Variants in GUCA2A observed in about 807,000 individuals in gnomAD.
GUCA2A encodes the protein guanylate cyclase activator 2A, also known as guanylin.
A neutral mutation model predicts 11.2 loss-of-function variants in GUCA2A; 17 were observed. The ratio of observed to expected loss-of-function variants is 1.52; its 90% confidence interval spans 1.04 to 2.28. The LOEUF is 2.28. GUCA2A is among the 30% of genes most tolerant of loss of function. The pLI is 0.00. For synonymous variants in GUCA2A, 64 were observed against 57.1 expected, an observed-to-expected ratio of 1.12 and a Z score of -0.54; for missense variants, 173 against 139.3, an observed-to-expected ratio of 1.24 and a Z score of -1.22.
intron 2 of GUCA2A, 59 bp from the exon 3 acceptor site, chr1:42,163,029 C>T (rs1311856517): frequency 7.3e-6 from 10 of 1,378,454 alleles, no homozygotes; most frequent in Non-Finnish European, 1.0e-5. Context: ...GCCCCTGCCG[C>T]CCTTGGCCCA....
chr1:42,163,006 A>G (rs749421714), intron 2 of GUCA2A, 36 bp from the exon 3 acceptor site: 33 of 1,566,786 alleles, frequency 2.1e-5, no homozygotes, highest in Non-Finnish European at 2.7e-5. Context: ...GAGAACCAGC[A>G]TTTCCTCGCG....
chr1:42,164,429 C>G (rs1646143638), intron 1 of GUCA2A, among the ~76,000 whole-genome samples: 1 of 152,240 alleles, frequency 6.6e-6, no homozygotes, highest in African/African-American at 2.4e-5. Flanking sequence ...TATGGTTATT[C>G]CTCTTCCCTC....
At chr1:42,164,561 G>A in intron 1 of GUCA2A, 77 bp downstream of exon 1, 4 of 817,316 alleles carry the variant, frequency 4.9e-6, no homozygotes, top group Non-Finnish European at 6.2e-6. Context: ...CCAAAGAGGA[G>A]GTACTCTCTC....
At position 42,163,530 on chromosome 1, in the gene GUCA2A, T is replaced by C. The variant is rs1302014938; in HGVS notation, c.156A>G (p.Lys52=). 1.2e-6 allele frequency: 2 copies of C among 1,613,320 alleles called. No homozygotes were observed. The highest frequency in any genetic ancestry group is 1.7e-5 in the Admixed American group (1 of 60,000). ...LQEPQEPRVG[K]LRNFAPIPGE... Reference sequence around the variant, plus strand: ...CAGGGATGGGTGCAAAGTTCCTGAGTTTCCCAACCCTGGGCTCCTGGGGCT... The same window carrying C: ...CAGGGATGGGTGCAAAGTTCCTGAGCTTCCCAACCCTGGGCTCCTGGGGCT... The change falls in exon 2 of 3, where the codon AAA becomes AAG. Residue 52 remains lysine, a synonymous_variant. Coordinates refer to ENST00000357001, the MANE Select transcript of GUCA2A (RefSeq NM_033553.3).
chr1:42,163,667 C>T (rs1646140130), intron 1 of GUCA2A, 57 bp from the exon 2 acceptor site: 4 of 1,254,972 alleles, frequency 3.2e-6, no homozygotes, highest in South Asian at 1.3e-5. Flanking sequence ...CCTGGCTGTG[C>T]CCCCCGTGCT....
chr1:42,164,586 G>A, intron 1 of GUCA2A, 52 bp downstream of exon 1: 1 of 1,033,570 alleles, frequency 9.7e-7, no homozygotes, highest in South Asian at 1.4e-5. Context: ...GACCAGACCT[G>A]GGCACTAGGG....
intron 2 of GUCA2A, 51 bp from the exon 3 acceptor site, chr1:42,163,021 C>A (rs369519782): frequency 7.0e-7 from 1 of 1,437,520 alleles, no homozygotes; most frequent in East Asian, 2.3e-5. Flanking sequence ...CTCGCGAGGC[C>A]CCTGCCGCCC....
At chr1:42,163,845 A>G (rs530779463) in intron 1 of GUCA2A, among the ~76,000 whole-genome samples, 9 of 152,362 alleles carry the variant, frequency 5.9e-5, no homozygotes, top group South Asian at 2.1e-4. Flanking sequence ...TGTATGGGGA[A>G]TGGAGAAAAT....
rs1427127357 is a variant in GUCA2A at position 42,164,726 on chromosome 1, G to T, written c.-14C>A. The T allele has an allele frequency of 2.0e-6, 3 of 1,513,016 alleles. 1 individual carries two copies. Among genetic ancestry groups the T allele is most frequent in the Middle Eastern group, 3.4e-4 (2 of 5,818 alleles). 93.7% of individuals were successfully genotyped at this position (1,513,016 alleles called of 1,614,324 possible). On this transcript the variant is annotated 5_prime_UTR_variant, in exon 1 of 3. Coordinates refer to ENST00000357001, the MANE Select transcript of GUCA2A (RefSeq NM_033553.3). ...GAAGGCATTCATGGCAGCAGTGCCC[G>T]AGAGAGGGGTGGCTGTTCTGGATGC...
chr1:42,164,617 G>T, intron 1 of GUCA2A, 21 bp downstream of exon 1: 1 of 1,478,422 alleles, frequency 6.8e-7, no homozygotes, highest in Non-Finnish European at 9.2e-7. Flanking sequence ...AGCTGGGCCG[G>T]GGTAGGGACA....
Position 42,162,705 on chromosome 1 carries a change from T to G in GUCA2A, c.*201A>C. On this transcript the variant is annotated 3_prime_UTR_variant, in exon 3 of 3. Transcript: ENST00000357001. ...ACACCCAGAGTACTCTGGAATCTGG[T>G]TTATTAGCTGGGGGTTGAAGTGGCA... The G allele has an allele frequency of 1.7e-6, 1 of 591,598 alleles. No homozygotes were observed. Among genetic ancestry groups the G allele is most frequent in the Non-Finnish European group, 3.0e-6 (1 of 331,640 alleles). 36.6% of individuals were successfully genotyped at this position (591,598 alleles called of 1,614,324 possible).
rs1347807420 is a variant in GUCA2A at position 42,164,620 on chromosome 1, T to G, written c.75+18A>C. On this transcript the variant is annotated intron_variant, in intron 1 of 2. Coordinates refer to ENST00000357001, the MANE Select transcript of GUCA2A (RefSeq NM_033553.3). Reference sequence around the variant, plus strand: ...GGGCAGGGAGCCAGCTGGGCCGGGGTAGGGACACAGGACTCACCTGCACGG... The same window carrying G: ...GGGCAGGGAGCCAGCTGGGCCGGGGGAGGGACACAGGACTCACCTGCACGG... 2.0e-6 allele frequency: 3 copies of G among 1,496,370 alleles called. No individual in the cohort carries two copies. Among genetic ancestry groups the G allele is most frequent in the Non-Finnish European group, 2.7e-6 (3 of 1,098,114 alleles). 92.7% of individuals were successfully genotyped at this position (1,496,370 alleles called of 1,614,324 possible). A position where few individuals can be genotyped will look rare whatever the true frequency, so the allele number is the denominator to read the frequency against.
rs1365827891 is a variant in GUCA2A at position 42,162,739 on chromosome 1, C to T, written c.*167G>A. On this transcript the variant is annotated 3_prime_UTR_variant, in exon 3 of 3. Coordinates refer to ENST00000357001, the MANE Select transcript of GUCA2A (RefSeq NM_033553.3). Reference sequence around the variant, plus strand: ...TGGGGGTTGAAGTGGCAGGGAAGGACAGTGTTGGGGCGAGGCCTCCAGTCA... The same window carrying T: ...TGGGGGTTGAAGTGGCAGGGAAGGATAGTGTTGGGGCGAGGCCTCCAGTCA... 5 of 618,678 alleles carry T rather than the reference C, an allele frequency of 8.1e-6. No homozygotes were observed. Among genetic ancestry groups the T allele is most frequent in the Admixed American group, 5.5e-5 (2 of 36,152 alleles). The allele number at this position is 618,678 out of a possible 1,614,324, so 38.3% of individuals were successfully genotyped here.
At position 42,163,421 on chromosome 1, in the gene GUCA2A, C is replaced by T. The variant is rs147564899; in HGVS notation, c.265G>A (p.Glu89Lys). Residue 89 changes from glutamate to lysine, a missense_variant, in exon 2 of 3, where the codon GAG becomes AAG. Coordinates refer to ENST00000357001, the MANE Select transcript of GUCA2A (RefSeq NM_033553.3). ...KPLCKEPNAQ[E>K]ILQRLEEIAE... ...TGCTCACCCAGCCTCTGAAGTATCT[C>T]CTGGGCATTGGGCTCCTTGCAGAGA... The T allele has an allele frequency of 4.3e-6, 7 of 1,612,406 alleles. No homozygotes were observed. Among genetic ancestry groups the T allele is most frequent in the Non-Finnish European group, 5.9e-6 (7 of 1,178,622 alleles).
Position 42,163,063 on chromosome 1 carries a change from C to A in GUCA2A, c.284-93G>T, listed in dbSNP as rs1646136622. ...CAGAGCTTGTACGTCACCACCCAGC[C>A]CCAGGAGAATCTCAGCAGGCCCGTA... On this transcript the variant is annotated intron_variant, in intron 2 of 2. Transcript: ENST00000357001. The A allele has an allele frequency of 3.0e-6, 3 of 1,008,636 alleles. No homozygotes were observed. The African/African-American group carries it at 4.8e-5, about 16-fold the overall frequency. The allele number at this position is 1,008,636 out of a possible 1,614,324, so 62.5% of individuals were successfully genotyped here. A position where few individuals can be genotyped will look rare whatever the true frequency, so the allele number is the denominator to read the frequency against.
At chr1:42,163,805 G>A (rs932615649) in intron 1 of GUCA2A, among the ~76,000 whole-genome samples, 195 bp from the exon 2 acceptor site, 4 of 152,222 alleles carry the variant, frequency 2.6e-5, no homozygotes, top group African/African-American at 9.6e-5. Context: ...CGTGATGCTG[G>A]ACACTCTGGA....
At chr1:42,163,331 G>T in intron 2 of GUCA2A, 72 bp downstream of exon 2, 1 of 976,516 alleles carries the variant, frequency 1.0e-6, no homozygotes, top group Non-Finnish European at 1.6e-6. Flanking sequence ...ACCAATCAGA[G>T]CACATCTCTT....
At chr1:42,163,746 T>G in intron 1 of GUCA2A, 136 bp from the exon 2 acceptor site, 2 of 627,068 alleles carry the variant, frequency 3.2e-6, no homozygotes, top group Non-Finnish European at 5.6e-6. Flanking sequence ...CGATCCACAG[T>G]GGGGCACTGT....
In GUCA2A at chr1:42,162,876, G is replaced by A. The variant is rs770284900; in HGVS notation, c.*30C>T. The A allele has an allele frequency of 1.0e-5, 16 of 1,575,072 alleles. No individual in the cohort carries two copies. Among genetic ancestry groups the A allele is most frequent in the South Asian group, 7.8e-5 (7 of 90,304 alleles). Reference sequence around the variant, plus strand: ...CAGGAGAAAAGAGCTTCCCTGCTGCGGAGGGGAGGCAGGCAGTGGGCAAGC... The same window carrying A: ...CAGGAGAAAAGAGCTTCCCTGCTGCAGAGGGGAGGCAGGCAGTGGGCAAGC... On this transcript the variant is annotated 3_prime_UTR_variant, in exon 3 of 3. Coordinates refer to ENST00000357001, the MANE Select transcript of GUCA2A (RefSeq NM_033553.3).
Sources: allele counts gnomAD v4.1 joint callset (sites outside exome capture counted in the v4.1 genomes callset), GRCh38; gene constraint gnomAD v4.1.1; transcripts MANE v1.5; gene names NCBI Gene and HGNC (gene_info 2026-07-23, HGNC 2026-07-21).